The following LARGE1 variants were observed in gnomAD, a reference collection of about 807,000 sequenced individuals.
LARGE1 encodes LARGE xylosyl- and glucuronyltransferase 1, also known as xylosyl- and glucuronyltransferase LARGE1.
In LARGE1, 43 loss-of-function variants were observed where a neutral mutation model predicts 87.6. The ratio of observed to expected loss-of-function variants is 0.49; its 90% confidence interval spans 0.38 to 0.63. LARGE1 has a LOEUF of 0.63. Ranked by LOEUF, LARGE1 falls within the 30% of genes least tolerant of loss-of-function variation. The pLI is 0.00. For missense variants in LARGE1, 802 were observed against 1,000.2 expected (o/e 0.80, Z 2.67); for synonymous variants, 434 against 394.6 (o/e 1.10, Z -1.18).
intron 12 of LARGE1, among the ~76,000 whole-genome samples, chr22:33,286,120 A>G (rs901247345): frequency 6.6e-6 from 1 of 152,192 alleles, no homozygotes; most frequent in African/African-American, 2.4e-5. Context: ...GACGAGCTCT[A>G]CTTAGCCAGT....
intron 6 of LARGE1, among the ~76,000 whole-genome samples, chr22:33,525,956 TG>T (rs1390523261): frequency 6.6e-6 from 1 of 152,118 alleles, no homozygotes; most frequent in African/African-American, 2.4e-5. Flanking sequence ...GAACTGAAAA[TG>T]TATGTCCACA....
intron 6 of LARGE1, among the ~76,000 whole-genome samples, chr22:33,445,418 G>A (rs1432931678): frequency 6.6e-6 from 1 of 152,202 alleles, no homozygotes; most frequent in Non-Finnish European, 1.5e-5. Context: ...CAAAAAGGTT[G>A]CTGATGAAAT....
chr22:33,373,244 C>T (rs531443229), intron 9 of LARGE1, among the ~76,000 whole-genome samples: 2 of 152,170 alleles, frequency 1.3e-5, no homozygotes, highest in East Asian at 3.9e-4. Context: ...AATTTTCATC[C>T]CCTATGTTAG....
intron 1 of LARGE1, among the ~76,000 whole-genome samples, chr22:33,912,840 T>TTC (rs2065676787): frequency 6.6e-6 from 1 of 151,444 alleles, no homozygotes; most frequent in Non-Finnish European, 1.5e-5. Context: ...CAAGCATGTT[T>TTC]TTTTTTTTTT....
Position 33,626,399 on chromosome 22 carries a change from T to C in LARGE1, c.409-73A>G, listed in dbSNP as rs893823293. On this transcript the variant is annotated intron_variant, in intron 3 of 14. Transcript: ENST00000397394. ...GCCTTCCTGGTGCTTCAGATCACAC[T>C]AGAAAGAAAAATTGCCCTGATTTCT... 7 of 1,194,508 alleles carry C rather than the reference T, an allele frequency of 5.9e-6. No individual in the cohort carries two copies. In the African/African-American group the frequency reaches 5.9e-5, roughly 10 times the overall value. 74.0% of individuals were successfully genotyped at this position (1,194,508 alleles called of 1,614,324 possible).
intron 2 of LARGE1, among the ~76,000 whole-genome samples, chr22:33,759,349 C>T (rs1419319059): frequency 6.6e-6 from 1 of 152,186 alleles, no homozygotes; most frequent in African/African-American, 2.4e-5. Context: ...CTCATTGAGG[C>T]CCCAATCTAT....
chr22:33,266,866 G>GAA (rs568555249), intron 11 of LARGE1, among the ~76,000 whole-genome samples: 52 of 141,542 alleles, frequency 3.7e-4, no homozygotes, highest in African/African-American at 1.4e-3. Context: ...GGAGTCAGAG[G>GAA]AAAAAAAAAA....
intron 1 of LARGE1, among the ~76,000 whole-genome samples, chr22:33,860,466 C>A (rs2063884041): frequency 6.6e-6 from 1 of 152,018 alleles, no homozygotes; most frequent in African/African-American, 2.4e-5. Flanking sequence ...AAAGTTGTGG[C>A]CAGAGAAGTT....
the LARGE1 span, among the ~76,000 whole-genome samples, chr22:33,075,324 G>A: frequency 6.6e-6 from 1 of 152,234 alleles, no homozygotes; most frequent in Admixed American, 6.5e-5. Context: ...AATTTCATCA[G>A]TAGTGACAAA....
chr22:33,537,046 G>T (rs2077063160), intron 6 of LARGE1, among the ~76,000 whole-genome samples: 2 of 152,184 alleles, frequency 1.3e-5, no homozygotes, highest in African/African-American at 4.8e-5. Context: ...CCTGACCTCA[G>T]GTTATCTGCC....
rs566107119 is a variant in LARGE1 at position 33,304,362 on chromosome 22, T to C, written c.1597A>G (p.Ile533Val). 3.5e-5 allele frequency: 57 copies of C among 1,614,274 alleles called. No homozygotes were observed. Among genetic ancestry groups the C allele is most frequent in the East Asian group, 1.1e-4 (5 of 44,884 alleles). ...TAGAACTGGCCCTCCTTGTACACGA[T>C]GTGGTAGCCCACGTTGTGGCGGCTC... ...LMSRHNVGYH[I>V]VYKEGQFYPV... The change falls in exon 12 of 15, where the codon ATC (isoleucine) becomes GTC (valine). Residue 533 changes from isoleucine to valine, a missense_variant. This residue lies in a region of LARGE1 where 625 missense variants were observed against 841.9 expected (regional missense o/e 0.74). Coordinates refer to ENST00000397394, the MANE Select transcript of LARGE1 (RefSeq NM_133642.5).
At chr22:33,372,659 A>G (rs528932062) in intron 9 of LARGE1, among the ~76,000 whole-genome samples, 1 of 152,294 alleles carries the variant, frequency 6.6e-6, no homozygotes, top group South Asian at 2.1e-4. Flanking sequence ...CTCCCACAAC[A>G]TGTGTTAATT....
chr22:33,577,436 C>A (rs1268188816), intron 5 of LARGE1, among the ~76,000 whole-genome samples: 1 of 152,228 alleles, frequency 6.6e-6, no homozygotes, highest in Admixed American at 6.5e-5. Context: ...TTCTTTCTTG[C>A]CTTTCTGAAT....
At chr22:33,665,161 A>T (rs2081232945) in intron 2 of LARGE1, among the ~76,000 whole-genome samples, 1 of 152,080 alleles carries the variant, frequency 6.6e-6, no homozygotes, top group African/African-American at 2.4e-5. Context: ...CAACCTTTAA[A>T]ACCCCATCTC....
intron 11 of LARGE1, among the ~76,000 whole-genome samples, chr22:33,239,536 T>C (rs1056916911): frequency 1.9e-4 from 7 of 37,090 alleles, no homozygotes; most frequent in Non-Finnish European, 4.5e-4. Context: ...TTTTCTTTTC[T>C]TTTTTTTTTT....
intron 9 of LARGE1, among the ~76,000 whole-genome samples, chr22:33,361,366 T>G (rs1026895511): frequency 6.7e-6 from 1 of 149,694 alleles, no homozygotes; most frequent in African/African-American, 2.5e-5. Flanking sequence ...GAAATGTACT[T>G]CCTGTTGATT....
intron 6 of LARGE1, among the ~76,000 whole-genome samples, chr22:33,540,874 C>T (rs1001266900): frequency 6.6e-6 from 1 of 151,938 alleles, no homozygotes; most frequent in Non-Finnish European, 1.5e-5. Context: ...CGGCTCACAC[C>T]AGTAATCCCA....
chr22:33,419,315 G>A (rs951568917), intron 7 of LARGE1, among the ~76,000 whole-genome samples: 1 of 151,892 alleles, frequency 6.6e-6, no homozygotes, highest in East Asian at 1.9e-4. Context: ...TGAGATCTGG[G>A]TGGAGACACA....
intron 1 of LARGE1, among the ~76,000 whole-genome samples, chr22:33,773,798 G>C (rs2085146086): frequency 6.6e-6 from 1 of 152,098 alleles, no homozygotes; most frequent in African/African-American, 2.4e-5. Context: ...TTGTTGCAAG[G>C]ATTGCAAGAG....
Sources: gnomAD v4.1 joint callset for allele counts (sites outside exome capture counted in the v4.1 genomes callset) on GRCh38, gnomAD v4.1.1 for gene constraint, gnomAD v4.1.1 regional missense constraint, MANE v1.5 for transcripts, NCBI Gene and HGNC (gene_info 2026-07-23, HGNC 2026-07-21) for gene names.